Variants in EMG1 observed in about 807,000 individuals in gnomAD.
EMG1 encodes the protein EMG1 N1-specific pseudouridine methyltransferase.
A neutral mutation model predicts 26.9 loss-of-function variants in EMG1; 24 were observed. The ratio of observed to expected loss-of-function variants is 0.89; its 90% confidence interval spans 0.65 to 1.26. The LOEUF is 1.26. EMG1 is among the 50% of genes most tolerant of loss of function. EMG1 has a pLI of 0.00. For missense variants in EMG1, 299 were observed against 307.6 expected (o/e 0.97, Z 0.21); for synonymous variants, 140 against 112.6 (o/e 1.24, Z -1.54).
downstream of EMG1, chr12:6,983,254 A>G (rs1237903129): frequency 3.6e-6 from 2 of 556,698 alleles, no homozygotes; most frequent in Non-Finnish European, 6.4e-6. Context: ...TGACAGAAGA[A>G]TGTACATAAA....
At position 6,978,231 on chromosome 12, in the gene EMG1, T is replaced by C. The variant is rs182528873; in HGVS notation, c.*2422T>C. The C allele has an allele frequency of 6.7e-4, 876 of 1,312,638 alleles. 4 individuals are homozygous for C. The highest frequency in any genetic ancestry group is 4.6e-5 in the Non-Finnish European group (44 of 952,672). 81.3% of individuals were successfully genotyped at this position (1,312,638 alleles called of 1,614,324 possible). On this transcript the variant is annotated 3_prime_UTR_variant, in exon 6 of 6. Coordinates refer to ENST00000599672, the MANE Select transcript of EMG1 (RefSeq NM_006331.8). ...AGTCAGTGTGAGCGACAGGGGGTTC[T>C]GCCCAGATGGGAAAGACGCATAGGG...
downstream of EMG1, chr12:6,981,270 C>G: frequency 9.2e-7 from 1 of 1,087,806 alleles, no homozygotes; most frequent in Non-Finnish European, 1.3e-6. Flanking sequence ...GTGTGCCCCA[C>G]TGACTGGGGT....
chr12:6,990,179 C>A (rs1946574094), downstream of EMG1, among the ~76,000 whole-genome samples: 1 of 136,632 alleles, frequency 7.3e-6, no homozygotes, highest in East Asian at 2.2e-4. Context: ...TTTTTTGAGA[C>A]CCTGTCTCAA....
downstream of EMG1, among the ~76,000 whole-genome samples, chr12:6,984,283 G>T (rs1346230389): frequency 6.6e-6 from 1 of 152,194 alleles, no homozygotes; most frequent in Non-Finnish European, 1.5e-5. Context: ...GAACCACAGA[G>T]GATCTTCTGA....
intron 1 of EMG1, among the ~76,000 whole-genome samples, chr12:6,973,923 T>C (rs1245927582): frequency 6.6e-6 from 1 of 152,250 alleles, no homozygotes; most frequent in Non-Finnish European, 1.5e-5. Context: ...ACTCGATATT[T>C]TGCACAGTAC....
downstream of EMG1, chr12:6,981,778 A>G (rs1275378792): frequency 2.6e-6 from 4 of 1,559,250 alleles, no homozygotes; most frequent in South Asian, 1.1e-5. Flanking sequence ...AGGGACCTAC[A>G]TGTAAGGAAG....
At chr12:6,971,799 TTAG>T (rs1479194995) in intron 1 of EMG1, among the ~76,000 whole-genome samples, 1 of 152,216 alleles carries the variant, frequency 6.6e-6, no homozygotes. Context: ...TTTCAATTCA[TTAG>T]TATCCATAGT....
chr12:6,982,886 CTT>C (rs1230027452), downstream of EMG1: 1 of 728,002 alleles, frequency 1.4e-6, no homozygotes, highest in African/African-American at 1.8e-5. Flanking sequence ...GCATCAGGAT[CTT>C]TTTTTTCAGA....
intron 6 of EMG1, among the ~76,000 whole-genome samples, chr12:6,985,489 G>A (rs1946514499): frequency 6.6e-6 from 1 of 151,860 alleles, no homozygotes; most frequent in African/African-American, 2.4e-5. Context: ...TGAGGTGGGT[G>A]GATCACTTGA....
Position 6,975,845 on chromosome 12 carries a change from G to A in EMG1, c.*36G>A. ...ACCTGTTCTGAAACCAGAAACTGTT[G>A]ATGTCACATCCTTTGACCCTGGTCT... is the stretch of plus-strand genomic sequence containing the variant. On this transcript the variant is annotated 3_prime_UTR_variant, in exon 6 of 6. Transcript: ENST00000599672. 8.3e-7 allele frequency: 1 copy of A among 1,206,202 alleles called. No individual in the cohort carries two copies. Among genetic ancestry groups the A allele is most frequent in the South Asian group, 1.2e-5 (1 of 82,492 alleles). The allele number at this position is 1,206,202 out of a possible 1,614,324, so 74.7% of individuals were successfully genotyped here. A position where few individuals can be genotyped will look rare whatever the true frequency, so the allele number is the denominator to read the frequency against.
downstream of EMG1, chr12:6,983,651 A>AG: frequency 1.4e-6 from 1 of 695,186 alleles, no homozygotes; most frequent in Non-Finnish European, 2.5e-6. Flanking sequence ...GAAAAAAAAA[A>AG]CAACATACAT....
At chr12:6,974,507 G>A in intron 2 of EMG1, 45 bp from the exon 3 acceptor site, 8 of 1,608,968 alleles carry the variant, frequency 5.0e-6, no homozygotes, top group South Asian at 1.1e-5. Context: ...GCTGAGTGCT[G>A]CCTCTCTTCA....
At chr12:6,971,283 T>G (rs1555152235) in intron 1 of EMG1, among the ~76,000 whole-genome samples, 192 bp downstream of exon 1, 1 of 150,114 alleles carries the variant, frequency 6.7e-6, no homozygotes, top group Non-Finnish European at 1.5e-5. Context: ...TCTTTTTTTT[T>G]TTTTTTTTGA....
At position 6,977,595 on chromosome 12, in the gene EMG1, T is replaced by C; in HGVS notation, c.*1786T>C. On this transcript the variant is annotated 3_prime_UTR_variant, in exon 6 of 6. Coordinates refer to ENST00000599672, the MANE Select transcript of EMG1 (RefSeq NM_006331.8). This position sits in a 1 kb window ranked among gnomAD's most constrained non-coding sequence, Gnocchi z 4.5. ...CCCCTTCACCCCCACCCTGGAGGCCTACCTGTCTTTCCACAATAACAATGA... is the reference window on the plus strand; with the variant it reads ...CCCCTTCACCCCCACCCTGGAGGCCCACCTGTCTTTCCACAATAACAATGA... 8.1e-6 allele frequency: 13 copies of C among 1,614,236 alleles called. No individual in the cohort carries two copies. Among genetic ancestry groups the C allele is most frequent in the Non-Finnish European group, 1.1e-5 (13 of 1,180,044 alleles).
At chr12:6,972,066 C>CTTTTTTTTT (rs11292192) in intron 1 of EMG1, among the ~76,000 whole-genome samples, 1 of 124,700 alleles carries the variant, frequency 8.0e-6, no homozygotes, top group African/African-American at 3.1e-5. Context: ...TCTAAATACA[C>CTTTTTTTTT]TTTTTTTTTT....
Position 6,979,357 on chromosome 12 carries a change from C to A in EMG1, c.*3548C>A. ...ACAACTCACAGATCTAGAGCAAAAC[C>A]AACATGCACTTGTAGATGATATTTC... On this transcript the variant is annotated 3_prime_UTR_variant, in exon 6 of 6. Coordinates refer to ENST00000599672, the MANE Select transcript of EMG1 (RefSeq NM_006331.8). 2.6e-6 allele frequency: 2 copies of A among 782,666 alleles called. No individual in the cohort carries two copies. The highest frequency in any genetic ancestry group is 2.2e-5 in the Admixed American group (1 of 44,446). The allele number at this position is 782,666 out of a possible 1,614,324, so 48.5% of individuals were successfully genotyped here. A position where few individuals can be genotyped will look rare whatever the true frequency, so the allele number is the denominator to read the frequency against.
chr12:6,985,715 A>AAAAC (rs1223954884), intron 6 of EMG1, among the ~76,000 whole-genome samples: 1 of 152,098 alleles, frequency 6.6e-6, no homozygotes, highest in South Asian at 2.1e-4. Flanking sequence ...ACTCTGTCTC[A>AAAAC]AAACAAACAA....
Position 6,974,389 on chromosome 12 carries a change from G to T in EMG1, c.219G>T (p.Leu73Phe), listed in dbSNP as rs782172949. Reference sequence around the variant, plus strand: ...ACTGTGACAAGCACAAGTCTATATTGTTGAAGAATGGACGGGACCCTGGGG... The same window carrying T: ...ACTGTGACAAGCACAAGTCTATATTTTTGAAGAATGGACGGGACCCTGGGG... The part of the protein sequence containing the change: ...LLNCDKHKSI[L>F]LKNGRDPGEA... Residue 73 changes from leucine (L) to phenylalanine (F), a missense_variant, in exon 2 of 6, where the codon TTG (leucine) becomes TTT (phenylalanine). By Grantham distance (22) the Leu-to-Phe change is conservative. Transcript: ENST00000599672. 11 of 1,613,850 alleles carry T rather than the reference G, an allele frequency of 6.8e-6. No individual in the cohort carries two copies. The highest frequency in any genetic ancestry group is 2.2e-5 in the East Asian group (1 of 44,884).
Position 6,977,101 on chromosome 12 carries a change from G to T in EMG1, c.*1292G>T. The T allele has an allele frequency of 7.9e-7, 1 of 1,264,964 alleles. No homozygotes were observed. Among genetic ancestry groups the T allele is most frequent in the Non-Finnish European group, 1.2e-6 (1 of 863,302 alleles). The allele number at this position is 1,264,964 out of a possible 1,614,324, so 78.4% of individuals were successfully genotyped here. On this transcript the variant is annotated 3_prime_UTR_variant, in exon 6 of 6. Coordinates refer to ENST00000599672, the MANE Select transcript of EMG1 (RefSeq NM_006331.8). The surrounding 1 kb of genome is among the most constrained non-coding windows in gnomAD (Gnocchi z 4.5). ...AGTCTGTTGCTCTATTCTGTAACCT[G>T]GTGGTAGTTTTAGTTTAGCTGTATT...
Sources: gnomAD v4.1 joint callset for allele counts (sites outside exome capture counted in the v4.1 genomes callset) on GRCh38, gnomAD v4.1.1 for gene constraint, Gnocchi (gnomAD v3.1) non-coding constraint, MANE v1.5 for transcripts, NCBI Gene and HGNC (gene_info 2026-07-23, HGNC 2026-07-21) for gene names.